CTBP1: variants seen among roughly 807,000 people sequenced by gnomAD.
CTBP1 encodes the protein C-terminal-binding protein 1.
CTBP1 carries 11 observed loss-of-function variants against 42.1 expected under a neutral mutation model. That is an observed-to-expected ratio of 0.26 (90% CI 0.16 to 0.43). The LOEUF (loss-of-function observed/expected upper bound fraction) is 0.43, where lower values mean the gene tolerates loss of function less well. CTBP1 is among the 20% of genes least tolerant of loss of function. CTBP1 has a pLI of 1.00. For synonymous variants in CTBP1, 324 were observed against 277.1 expected, an observed-to-expected ratio of 1.17 and a Z score of -1.68; for missense variants, 399 against 624.3, an observed-to-expected ratio of 0.64 and a Z score of 3.85.
chr4:1,220,896 C>T (rs373388943), intron 5 of CTBP1, among the ~76,000 whole-genome samples: 4 of 152,338 alleles, frequency 2.6e-5, no homozygotes, highest in East Asian at 1.9e-4. Flanking sequence ...ACCTGTTACC[C>T]GGATGACCCT....
At chr4:1,225,036 G>A (rs144140444) in intron 5 of CTBP1, among the ~76,000 whole-genome samples, 6 of 152,152 alleles carry the variant, frequency 3.9e-5, no homozygotes, top group African/African-American at 7.2e-5. Flanking sequence ...TGTGAGTGCT[G>A]TGACGTCCGT....
intron 3 of CTBP1, among the ~76,000 whole-genome samples, chr4:1,231,836 G>A (rs1730992169): frequency 6.6e-6 from 1 of 152,176 alleles, no homozygotes; most frequent in African/African-American, 2.4e-5. Context: ...TATCCCACAT[G>A]AAGGGCCAGG....
chr4:1,224,907 C>T (rs565206745), intron 5 of CTBP1, among the ~76,000 whole-genome samples: 2 of 151,428 alleles, frequency 1.3e-5, no homozygotes, highest in South Asian at 2.1e-4. Context: ...ACTGTGACAT[C>T]GGTGTGTGAT....
At chr4:1,241,200 C>A (rs767126023) in intron 2 of CTBP1, 125 bp downstream of exon 2, 2 of 762,920 alleles carry the variant, frequency 2.6e-6, no homozygotes, top group Non-Finnish European at 4.8e-6. Flanking sequence ...CAGGTGGCAG[C>A]AGTCCGGCCC....
intron 1 of CTBP1, chr4:1,244,762 C>G: frequency 1.0e-6 from 1 of 985,412 alleles, no homozygotes; most frequent in Non-Finnish European, 1.2e-6. Flanking sequence ...CGTGACAAAG[C>G]TGCCCTGCCG....
chr4:1,229,431 C>T (rs888188600), intron 3 of CTBP1, among the ~76,000 whole-genome samples: 4 of 152,228 alleles, frequency 2.6e-5, no homozygotes, highest in Admixed American at 1.3e-4. Context: ...TGGGCATGTC[C>T]GAGTCCCCGG....
In CTBP1 at chr4:1,233,498, C is replaced by T. The variant is rs892563811; in HGVS notation, c.162+4685G>A. 2.0e-5 allele frequency among the ~76,000 whole-genome samples: 3 copies of T among 152,194 alleles called. No homozygotes were observed. Among genetic ancestry groups the T allele is most frequent in the Non-Finnish European group, 4.4e-5 (3 of 68,020 alleles). On this transcript the variant is annotated intron_variant, in intron 3 of 9. Transcript: ENST00000382952. This position sits in a 1 kb window ranked among gnomAD's most constrained non-coding sequence, Gnocchi z 4.6. ...CGCCCTGCCGCTCCAGGCCCCGCAG[C>T]CCACACCGGACGCAGCCTCCAGGCT...
chr4:1,249,837 G>A (rs982887934), upstream of CTBP1: 3 of 211,960 alleles, frequency 1.4e-5, no homozygotes, highest in South Asian at 1.2e-4. Flanking sequence ...GCTAACCAAC[G>A]TCCTGACAGC....
intron 1 of CTBP1, chr4:1,242,817 G>C (rs919593250): frequency 1.0e-6 from 1 of 985,330 alleles, no homozygotes; most frequent in Non-Finnish European, 1.2e-6. Context: ...TAAAAGGACA[G>C]GAGAAAACCG....
chr4:1,214,980 C>T (rs548931074), intron 6 of CTBP1, among the ~76,000 whole-genome samples: 25 of 152,372 alleles, frequency 1.6e-4, no homozygotes, highest in Non-Finnish European at 3.1e-4. Context: ...AAAAGCCCTG[C>T]GGGTGGCTCT....
intron 3 of CTBP1, among the ~76,000 whole-genome samples, chr4:1,230,404 A>C (rs1257291275): frequency 2.6e-5 from 4 of 152,186 alleles, no homozygotes; most frequent in African/African-American, 7.2e-5. Flanking sequence ...AGAGAGAGTC[A>C]CCTGCAGATG....
rs774785542 is a variant in CTBP1 at position 1,228,185 on chromosome 4, C to T, written c.307+14G>A. The T allele has an allele frequency of 6.8e-6, 11 of 1,613,458 alleles. No individual in the cohort carries two copies. Among genetic ancestry groups the T allele is most frequent in the East Asian group, 2.2e-5 (1 of 44,894 alleles). On this transcript the variant is annotated intron_variant, in intron 4 of 9. Coordinates refer to ENST00000382952, the MANE Select transcript of CTBP1 (RefSeq NM_001012614.2). ...GCATGAATGGGCACAGGAGAGAACT[C>T]GGAGCCGGCCTACCTAAATCCCCGG...
chr4:1,247,578 A>G (rs1240192092), intron 1 of CTBP1, among the ~76,000 whole-genome samples: 1 of 152,108 alleles, frequency 6.6e-6, no homozygotes, highest in Non-Finnish European at 1.5e-5. Flanking sequence ...CTGCAACGGC[A>G]AATAGTTACC....
At chr4:1,245,427 C>T in intron 1 of CTBP1, 1 of 985,418 alleles carries the variant, frequency 1.0e-6, no homozygotes, top group South Asian at 4.7e-5. Context: ...CACCTTCCTC[C>T]CCTTCCCAAC....
At chr4:1,233,000 G>A (rs1006462398) in intron 3 of CTBP1, 1 of 152,664 alleles carries the variant, frequency 6.6e-6, no homozygotes, top group African/African-American at 2.4e-5. Context: ...TTCTAGACCT[G>A]AGAGGGGGTC....
chr4:1,217,838 T>C (rs991931628), intron 5 of CTBP1: 2 of 152,240 alleles, frequency 1.3e-5, no homozygotes, highest in Non-Finnish European at 2.9e-5. Context: ...TGACCGAGGC[T>C]GGAATCAGCC....
Position 1,211,950 on chromosome 4 carries a change from C to A in CTBP1, c.*290G>T. The A allele has an allele frequency of 3.6e-6, 1 of 277,340 alleles. No homozygotes were observed. Among genetic ancestry groups the A allele is most frequent in the Non-Finnish European group, 6.7e-6 (1 of 150,332 alleles). 17.2% of individuals were successfully genotyped at this position (277,340 alleles called of 1,614,324 possible). ...TTCTTTTTGTTGACAGCTAAGCAAA[C>A]AGATCCTTTGTAATGTTCTAAAAAC... On this transcript the variant is annotated 3_prime_UTR_variant, in exon 10 of 10. Coordinates refer to ENST00000382952, the MANE Select transcript of CTBP1 (RefSeq NM_001012614.2).
chr4:1,218,529 G>A (rs1251831124), intron 5 of CTBP1: 11 of 152,158 alleles, frequency 7.2e-5, no homozygotes, highest in Non-Finnish European at 1.5e-4. Context: ...AGCCAGAATC[G>A]GGGGGCGTAA....
In CTBP1 at chr4:1,228,257, G is replaced by A. The variant is rs1292529646; in HGVS notation, c.249C>T (p.Ile83=). The A allele has an allele frequency of 1.2e-6, 2 of 1,614,088 alleles. No homozygotes were observed. Among genetic ancestry groups the A allele is most frequent in the African/African-American group, 1.3e-5 (1 of 74,946 alleles). Residue 83 remains isoleucine, a synonymous_variant, in exon 4 of 10, where the codon ATC becomes ATT. Coordinates refer to ENST00000382952, the MANE Select transcript of CTBP1 (RefSeq NM_001012614.2). The part of the protein sequence containing the change: ...EDLEKFKALR[I]IVRIGSGFDN... ...CAAAACCACTGCCAATCCGGACGAT[G>A]ATGCGGAGGGCTTTGAACTTCTCCA...
Sources: allele counts gnomAD v4.1 joint callset (sites outside exome capture counted in the v4.1 genomes callset), GRCh38; gene constraint gnomAD v4.1.1; non-coding constraint Gnocchi (gnomAD v3.1); transcripts MANE v1.5; gene names NCBI Gene and HGNC (gene_info 2026-07-23, HGNC 2026-07-21).